Variants in ZNF729 observed in about 807,000 individuals in gnomAD.
The protein encoded by ZNF729 is zinc finger protein 729.
ZNF729 carries 15 observed loss-of-function variants against 12.2 expected under a neutral mutation model. That is an observed-to-expected ratio of 1.23 (90% confidence interval 0.82 to 1.89). The LOEUF (loss-of-function observed/expected upper bound fraction) is 1.89, where lower values mean the gene tolerates loss of function less well. Among genes scored for constraint, ZNF729 ranks in the 40% most tolerant of loss-of-function variants. ZNF729 has a pLI of 0.00. For synonymous variants in ZNF729, 492 were observed against 476.3 expected (o/e 1.03, Z -0.43); for missense variants, 1,540 against 1,456.7 (o/e 1.06, Z -0.93).
Position 22,315,331 on chromosome 19 carries a change from G to A in ZNF729, c.1914G>A (p.Arg638=). 6.2e-7 allele frequency: 1 copy of A among 1,611,974 alleles called. No individual in the cohort carries two copies. Among genetic ancestry groups the A allele is most frequent in the Non-Finnish European group, 8.5e-7 (1 of 1,179,370 alleles). The part of the protein sequence containing the change: ...YKCEECGKAF[R]QSSHLTRHKA... ...GTGAAGAATGTGGCAAAGCTTTTAG[G>A]CAATCCTCACACCTTACTAGACATA... is the stretch of plus-strand genomic sequence containing the variant. The change falls in exon 4 of 4, where the codon AGG becomes AGA. Residue 638 remains arginine, a synonymous_variant. Coordinates refer to ENST00000601693, the MANE Select transcript of ZNF729 (RefSeq NM_001242680.2).
intron 3 of ZNF729, among the ~76,000 whole-genome samples, chr19:22,305,163 C>T (rs555195173): frequency 1.3e-4 from 20 of 152,102 alleles, no homozygotes; most frequent in African/African-American, 4.3e-4. Context: ...TGTCTTTTAC[C>T]GTGTGATATG....
chr19:22,291,675 C>A (rs563146974), intron 1 of ZNF729, among the ~76,000 whole-genome samples: 1 of 152,312 alleles, frequency 6.6e-6, no homozygotes, highest in Non-Finnish European at 1.5e-5. Flanking sequence ...ATCTGTAGCA[C>A]AAACCAGTCC....
intron 1 of ZNF729, among the ~76,000 whole-genome samples, chr19:22,301,411 G>C (rs1212184840): frequency 6.7e-6 from 1 of 149,286 alleles, no homozygotes; most frequent in Non-Finnish European, 1.5e-5. Flanking sequence ...GAATGTGCCA[G>C]AGTAGTGTCT....
intron 3 of ZNF729, among the ~76,000 whole-genome samples, chr19:22,310,044 G>C (rs1968432468): frequency 6.6e-6 from 1 of 151,834 alleles, no homozygotes; most frequent in Admixed American, 6.6e-5. Context: ...AAGAGCTACT[G>C]ATTTGTATAC....
chr19:22,299,365 G>T (rs1025219980), intron 1 of ZNF729, among the ~76,000 whole-genome samples: 1 of 152,072 alleles, frequency 6.6e-6, no homozygotes, highest in Non-Finnish European at 1.5e-5. Context: ...GAGTAGCTGG[G>T]ACTACAGGCT....
intron 1 of ZNF729, among the ~76,000 whole-genome samples, chr19:22,289,913 AAAT>A (rs1324117646): frequency 6.6e-6 from 1 of 152,180 alleles, no homozygotes; most frequent in Non-Finnish European, 1.5e-5. Context: ...GGAAATAGTA[AAAT>A]AATATTTATT....
At chr19:22,312,944 C>T (rs954461722) in intron 3 of ZNF729, among the ~76,000 whole-genome samples, 3 of 152,118 alleles carry the variant, frequency 2.0e-5, no homozygotes, top group African/African-American at 7.2e-5. Context: ...AACTCCCGAC[C>T]TCAGGTGATC....
intron 1 of ZNF729, among the ~76,000 whole-genome samples, chr19:22,292,575 C>T (rs1191997066): frequency 6.6e-6 from 1 of 152,012 alleles, no homozygotes; most frequent in Non-Finnish European, 1.5e-5. Context: ...GTAGCTGGGA[C>T]TACAGGTGTG....
rs1968514999 is a variant in ZNF729 at position 22,315,254 on chromosome 19, T to G, written c.1837T>G (p.Ser613Ala). The G allele has an allele frequency of 6.2e-7, 1 of 1,612,756 alleles. No individual in the cohort carries two copies. The highest frequency in any genetic ancestry group is 8.5e-7 in the Non-Finnish European group (1 of 1,179,526). Residue 613 changes from serine (S) to alanine (A), a missense_variant, in exon 4 of 4, where the codon TCA (serine) becomes GCA (alanine). Physicochemically the swap from Ser to Ala is moderately conservative, Grantham distance 99. Coordinates refer to ENST00000601693, the MANE Select transcript of ZNF729 (RefSeq NM_001242680.2). ...EECGKAFNNS[S>A]ILAKHKIIHT... ...ATGTGGCAAAGCTTTTAACAATTCC[T>G]CAATCCTTGCTAAACATAAGATAAT...
intron 1 of ZNF729, among the ~76,000 whole-genome samples, chr19:22,297,034 T>C (rs1968237468): frequency 6.6e-6 from 1 of 152,162 alleles, no homozygotes; most frequent in Non-Finnish European, 1.5e-5. Flanking sequence ...TGCCATGTGG[T>C]GATGAGAAGA....
chr19:22,295,038 TTGTGTGTGTGTGTGTGTGTGTGTG>T (rs71180536), intron 1 of ZNF729, among the ~76,000 whole-genome samples: 1 of 144,024 alleles, frequency 6.9e-6, no homozygotes, highest in South Asian at 2.2e-4. Context: ...TCCTAGATAT[TTGTGTGTGTGTGTGTGTGTGTGTG>T]TGTGTGTGTG....
At chr19:22,310,264 G>T (rs750755349) in intron 3 of ZNF729, among the ~76,000 whole-genome samples, 12 of 151,872 alleles carry the variant, frequency 7.9e-5, no homozygotes, top group Admixed American at 2.6e-4. Flanking sequence ...GCGAGAGTGG[G>T]CATCCTTGTC....
In ZNF729 at chr19:22,317,071, G is replaced by T; in HGVS notation, c.3654G>T (p.Val1218=). 6.2e-7 allele frequency: 1 copy of T among 1,603,786 alleles called. No homozygotes were observed. Among genetic ancestry groups the T allele is most frequent in the Non-Finnish European group, 8.5e-7 (1 of 1,176,276 alleles). Residue 1218 remains valine (V), a synonymous_variant, in exon 4 of 4, where the codon GTG becomes GTT. Coordinates refer to ENST00000601693, the MANE Select transcript of ZNF729 (RefSeq NM_001242680.2). ...TIHTREKPTN[V]KKVPKLLSNP... ...ATACCAGAGAGAAACCTACAAATGT[G>T]AAGAAAGTACCAAAGCTTTTAAGCA... is the stretch of plus-strand genomic sequence containing the variant.
At chr19:22,287,320 GCAAT>G (rs1968092348) in intron 1 of ZNF729, among the ~76,000 whole-genome samples, 3 of 150,772 alleles carry the variant, frequency 2.0e-5, no homozygotes, top group Non-Finnish European at 4.4e-5. Context: ...AGGCTGGAGT[GCAAT>G]AGCGCGATCT....
In ZNF729 at chr19:22,305,219, T is replaced by C. The variant is rs141052786; in HGVS notation, c.253+436T>C. ...CACTGTGATCATAAGCTTCCTGACCTGAGACACTCACCAGAAACAGATACA... is the reference window on the plus strand; with the variant it reads ...CACTGTGATCATAAGCTTCCTGACCCGAGACACTCACCAGAAACAGATACA... On this transcript the variant is annotated intron_variant, in intron 3 of 3. Transcript: ENST00000601693. Among the ~76,000 whole-genome samples the C allele has an allele frequency of 5.8e-4, 89 of 152,280 alleles. 1 individual carries two copies. In the East Asian group the frequency reaches 0.017, roughly 29 times the overall value.
intron 1 of ZNF729, among the ~76,000 whole-genome samples, chr19:22,301,512 G>A (rs1375458363): frequency 2.0e-5 from 3 of 152,288 alleles, no homozygotes; most frequent in East Asian, 1.9e-4. Context: ...CTGCACATAA[G>A]ATCTGGCCTC....
intron 1 of ZNF729, among the ~76,000 whole-genome samples, chr19:22,287,163 G>A (rs1279399989): frequency 2.0e-5 from 3 of 151,484 alleles, no homozygotes; most frequent in African/African-American, 7.3e-5. Flanking sequence ...GAAATTTCCC[G>A]TTTATATAAT....
intron 2 of ZNF729, 100 bp from the exon 3 acceptor site, chr19:22,304,588 G>T (rs1181984980): frequency 1.9e-6 from 2 of 1,031,200 alleles, no homozygotes; most frequent in Non-Finnish European, 2.8e-6. Flanking sequence ...ATTAGTATTG[G>T]GGGATCAATT....
At chr19:22,298,926 C>T (rs1339906260) in intron 1 of ZNF729, 2 of 152,180 alleles carry the variant, frequency 1.3e-5, no homozygotes, top group Non-Finnish European at 2.9e-5. Flanking sequence ...AGCTATGTGG[C>T]AAGCTTAAAT....
Sources: gnomAD v4.1 joint callset for allele counts (sites outside exome capture counted in the v4.1 genomes callset) on GRCh38, gnomAD v4.1.1 for gene constraint, MANE v1.5 for transcripts, NCBI Gene and HGNC (gene_info 2026-07-23, HGNC 2026-07-21) for gene names.